Variants in GARIN2 observed in about 807,000 individuals in gnomAD.
The protein encoded by GARIN2 is Golgi-associated RAB2 interactor protein 2.
chr14:67,224,087 ATC>A, the GARIN2 span: 1 of 801,436 alleles, frequency 1.2e-6, no homozygotes, highest in Non-Finnish European at 1.5e-6. Context: ...TCTCAAATTC[ATC>A]TCTCAAACCT....
the GARIN2 span, chr14:67,189,566 G>A: frequency 1.3e-5 from 2 of 152,274 alleles, no homozygotes; most frequent in East Asian, 3.9e-4. Context: ...AGCCCCACCT[G>A]TTGGTAAGTG....
the GARIN2 span, chr14:67,208,298 A>C: frequency 2.1e-4 from 337 of 1,613,922 alleles, 1 homozygote; most frequent in Non-Finnish European, 1.8e-4. Context: ...CATCTCAAAC[A>C]TAACACTGAC....
the GARIN2 span, chr14:67,204,901 G>A: frequency 7.6e-5 from 123 of 1,613,728 alleles, no homozygotes; most frequent in Admixed American, 1.8e-4. Context: ...AGACATCACC[G>A]ACATCACAGA....
At chr14:67,212,650 T>TGTGTAA in the GARIN2 span, among the ~76,000 whole-genome samples, 1 of 146,622 alleles carries the variant, frequency 6.8e-6, no homozygotes, top group African/African-American at 2.5e-5. Flanking sequence ...ATTACATATA[T>TGTGTAA]ATATAATATA....
chr14:67,196,027 C>A, the GARIN2 span, among the ~76,000 whole-genome samples: 2 of 152,092 alleles, frequency 1.3e-5, no homozygotes, highest in Non-Finnish European at 2.9e-5. Flanking sequence ...CTCAGGTGAT[C>A]CACCCACCTT....
At chr14:67,199,222 A>G in the GARIN2 span, 3 of 1,607,224 alleles carry the variant, frequency 1.9e-6, no homozygotes, top group Non-Finnish European at 2.6e-6. Context: ...GGCCAGCACC[A>G]AGGCTATGAC....
the GARIN2 span, chr14:67,200,455 T>G: frequency 2.3e-6 from 1 of 427,492 alleles, no homozygotes; most frequent in Non-Finnish European, 4.2e-6. Context: ...CCATTCCCCT[T>G]TTTAATGTAA....
chr14:67,196,237 A>G, the GARIN2 span, among the ~76,000 whole-genome samples: 1 of 111,910 alleles, frequency 8.9e-6, no homozygotes, highest in African/African-American at 3.6e-5. Context: ...TTTTTTTTTG[A>G]TGGAGTTTTG....
At chr14:67,201,752 G>A in the GARIN2 span, 144 of 328,052 alleles carry the variant, frequency 4.4e-4, 1 homozygote, top group African/African-American at 2.9e-3. Flanking sequence ...GTTTGGGTAA[G>A]TTATCAATAG....
At chr14:67,194,355 C>T in the GARIN2 span, among the ~76,000 whole-genome samples, 1 of 149,726 alleles carries the variant, frequency 6.7e-6, no homozygotes, top group Non-Finnish European at 1.5e-5. Flanking sequence ...CAGAGCAAGA[C>T]CTGTAGAAAA....
the GARIN2 span, among the ~76,000 whole-genome samples, chr14:67,196,041 CT>C: frequency 2.0e-5 from 3 of 152,128 alleles, no homozygotes; most frequent in Admixed American, 6.5e-5. Context: ...CCACCTTGGC[CT>C]CCTAAATAAT....
the GARIN2 span, among the ~76,000 whole-genome samples, chr14:67,209,703 A>G: frequency 7.9e-5 from 12 of 151,694 alleles, no homozygotes; most frequent in Non-Finnish European, 1.2e-4. Flanking sequence ...CTGTAATCCC[A>G]GCTACTCGGG....
the GARIN2 span, chr14:67,198,070 A>G: frequency 1.3e-6 from 2 of 1,488,182 alleles, no homozygotes; most frequent in African/African-American, 1.4e-5. Context: ...TAATAAATAA[A>G]TGAAGCAACT....
the GARIN2 span, chr14:67,203,062 A>T: frequency 1.9e-6 from 3 of 1,598,486 alleles, no homozygotes; most frequent in Non-Finnish European, 2.6e-6. Context: ...ACATTTCATC[A>T]TATAACGCCT....
chr14:67,216,146 A>T, the GARIN2 span, among the ~76,000 whole-genome samples: 5 of 152,164 alleles, frequency 3.3e-5, no homozygotes, highest in African/African-American at 1.2e-4. Context: ...CAGTCAATGA[A>T]CACATATTAA....
chr14:67,198,337 G>C, the GARIN2 span: 1 of 1,603,742 alleles, frequency 6.2e-7, no homozygotes, highest in Non-Finnish European at 8.5e-7. Flanking sequence ...CATATTCAAG[G>C]CCTGAGTTAA....
the GARIN2 span, chr14:67,203,037 G>A: frequency 6.4e-7 from 1 of 1,555,986 alleles, no homozygotes; most frequent in Non-Finnish European, 8.7e-7. Flanking sequence ...AGGCAAGCAA[G>A]GTTGTCAAAG....
At chr14:67,198,220 C>T in the GARIN2 span, 26 of 1,613,900 alleles carry the variant, frequency 1.6e-5, no homozygotes, top group Admixed American at 3.3e-5. Flanking sequence ...GCTCTCTGCA[C>T]CCCACACTCC....
the GARIN2 span, among the ~76,000 whole-genome samples, chr14:67,196,350 G>T: frequency 2.0e-5 from 3 of 151,896 alleles, no homozygotes; most frequent in Non-Finnish European, 4.4e-5. Flanking sequence ...CCGAATAGCT[G>T]GGATTACAGG....
Sources: gnomAD v4.1 joint callset for allele counts (sites outside exome capture counted in the v4.1 genomes callset) on GRCh38, gnomAD v4.1.1 for gene constraint, MANE v1.5 for transcripts, NCBI Gene and HGNC (gene_info 2026-07-23, HGNC 2026-07-21) for gene names.